The following ASS1 variants were observed in gnomAD, a reference collection of about 807,000 sequenced individuals.
The protein encoded by ASS1 is argininosuccinate synthase 1, also known as argininosuccinate synthase.
Under a neutral mutation model 60.5 loss-of-function variants are expected in ASS1, and 58 were observed. The observed-to-expected ratio is 0.96, with a 90% CI of 0.78 to 1.19. The LOEUF is 1.19. Ranked by LOEUF, ASS1 falls within the 50% of genes most tolerant of loss-of-function variation. ASS1 has a pLI of 0.00. For synonymous variants in ASS1, 200 were observed against 206.9 expected, an observed-to-expected ratio of 0.97 and a Z score of 0.29; for missense variants, 454 against 547.3, an observed-to-expected ratio of 0.83 and a Z score of 1.70.
In ASS1 at chr9:130,497,675, A is replaced by T. The variant is rs139570960; in HGVS notation, c.1128-1830A>T. On this transcript the variant is annotated intron_variant, in intron 13 of 14. Coordinates refer to ENST00000352480, the MANE Select transcript of ASS1 (RefSeq NM_054012.4). ...GCAGGGGCTGCCAGGGCAGCTGGGAAGTTCCCACCTTGGGGAACGGGATGG... is the reference window on the plus strand; with the variant it reads ...GCAGGGGCTGCCAGGGCAGCTGGGATGTTCCCACCTTGGGGAACGGGATGG... Among the ~76,000 whole-genome samples the T allele has an allele frequency of 4.6e-5, 7 of 152,298 alleles. No homozygotes were observed. In the East Asian group the frequency reaches 1.4e-3, roughly 29 times the overall value.
chr9:130,475,053 G>T (rs1845980848), intron 8 of ASS1, among the ~76,000 whole-genome samples: 2 of 152,224 alleles, frequency 1.3e-5, no homozygotes, highest in Non-Finnish European at 2.9e-5. Flanking sequence ...GTCTTAGAAG[G>T]ATCAATTGTC....
At chr9:130,458,611 G>T in intron 4 of ASS1, 22 bp downstream of exon 4, 1 of 1,608,540 alleles carries the variant, frequency 6.2e-7, no homozygotes. Flanking sequence ...GGGAAGGGCC[G>T]GGCAGAGGGA....
chr9:130,471,724 G>A (rs560359118), intron 8 of ASS1, among the ~76,000 whole-genome samples: 2 of 149,886 alleles, frequency 1.3e-5, no homozygotes, highest in African/African-American at 5.0e-5. Context: ...ACCTCCCCCC[G>A]CCCTTCCTCT....
rs940037773 is a variant in ASS1 at position 130,491,973 on chromosome 9, G to A, written c.970+2509G>A. 1.3e-5 allele frequency among the ~76,000 whole-genome samples: 2 copies of A among 152,134 alleles called. No individual in the cohort carries two copies. Among genetic ancestry groups the A allele is most frequent in the Non-Finnish European group, 2.9e-5 (2 of 68,020 alleles). ...GGGATACAGACATGGTATAGACCAG[G>A]GCTTTGCCTGATCATGTTACTTAAC... On this transcript the variant is annotated intron_variant, in intron 12 of 14. Transcript: ENST00000352480. The surrounding 1 kb of genome is among the most constrained non-coding windows in gnomAD (Gnocchi z 5.3).
chr9:130,476,886 G>C lies in ASS1; in HGVS notation c.613G>C (p.Gly205Arg). The C allele has an allele frequency of 6.2e-7, 1 of 1,614,078 alleles. No individual in the cohort carries two copies. The highest frequency in any genetic ancestry group is 8.5e-7 in the Non-Finnish European group (1 of 1,180,012). Reference protein sequence around the residue: ...LENPKNQAPPGLYTKTQDPAK... With the variant: ...LENPKNQAPPRLYTKTQDPAK... ...CTTTTTTCAGAACCAAGCGCCTCCAGGTCTCTACACGAAGACCCAGGACCC... is the reference window on the plus strand; with the variant it reads ...CTTTTTTCAGAACCAAGCGCCTCCACGTCTCTACACGAAGACCCAGGACCC... Residue 205 changes from glycine (G) to arginine (R), a missense_variant, in exon 9 of 15, where the codon GGT becomes CGT. Physicochemically the swap from Gly to Arg is moderately radical, Grantham distance 125. Coordinates refer to ENST00000352480, the MANE Select transcript of ASS1 (RefSeq NM_054012.4). The surrounding 1 kb of genome is among the most constrained non-coding windows in gnomAD (Gnocchi z 4.9).
At chr9:130,446,100 C>G (rs1217653760) in intron 1 of ASS1, among the ~76,000 whole-genome samples, 1 of 152,228 alleles carries the variant, frequency 6.6e-6, no homozygotes, top group Non-Finnish European at 1.5e-5. Context: ...GACCCTCCTC[C>G]CTCGGGCCTC....
rs1408151600 is a variant in ASS1, at chr9:130,470,412, C to T, written c.496-422C>T. 2.0e-5 allele frequency among the ~76,000 whole-genome samples: 3 copies of T among 152,174 alleles called. No homozygotes were observed. The highest frequency in any genetic ancestry group is 6.5e-5 in the Admixed American group (1 of 15,286). On this transcript the variant is annotated intron_variant, in intron 6 of 14. Coordinates refer to ENST00000352480, the MANE Select transcript of ASS1 (RefSeq NM_054012.4). The surrounding 1 kb of genome is among the most constrained non-coding windows in gnomAD (Gnocchi z 4.3). The stretch of plus-strand genomic sequence containing the variant: ...TGCATCCTACCTGTCCTGGGGTCCA[C>T]AGGAAGCACTGCCTGGGCTCTGGTG...
At position 130,452,210 on chromosome 9, in the gene ASS1, T is replaced by C. The variant is rs1190994347; in HGVS notation, c.-5-14T>C. On this transcript the variant is annotated splice_polypyrimidine_tract_variant and intron_variant, in intron 1 of 14. Coordinates refer to ENST00000352480, the MANE Select transcript of ASS1 (RefSeq NM_054012.4). ...GTCTCAGGGTCACTCAGGTTGTTCC[T>C]CGACTCCCGCCAGACGCTATGTCCA... The C allele has an allele frequency of 6.2e-7, 1 of 1,612,606 alleles. No homozygotes were observed. Among genetic ancestry groups the C allele is most frequent in the East Asian group, 2.2e-5 (1 of 44,858 alleles).
At chr9:130,475,900 G>A (rs1303776441) in intron 8 of ASS1, among the ~76,000 whole-genome samples, 1 of 152,062 alleles carries the variant, frequency 6.6e-6, no homozygotes, top group Non-Finnish European at 1.5e-5. Flanking sequence ...GGGACTACAG[G>A]CGCATGCCGC....
chr9:130,475,741 G>GT (rs35568745), intron 8 of ASS1, among the ~76,000 whole-genome samples: 11,569 of 101,280 alleles, frequency 0.11, 926 homozygotes, highest in East Asian at 0.35. Flanking sequence ...TGTGCAAGGT[G>GT]TTTTTTTTTT....
intron 13 of ASS1, among the ~76,000 whole-genome samples, chr9:130,495,472 T>TACACACACACACACAC (rs71499245): frequency 1.4e-4 from 21 of 146,898 alleles, no homozygotes; most frequent in African/African-American, 4.3e-4. Context: ...CACATACATA[T>TACACACACACACACAC]ACACACACAC....
chr9:130,479,828 C>T, intron 10 of ASS1, 28 bp downstream of exon 10: 2 of 1,603,948 alleles, frequency 1.2e-6, no homozygotes, highest in Middle Eastern at 1.7e-4. Flanking sequence ...TGTCCGGCCT[C>T]TTGGGAACCG....
In ASS1 at chr9:130,489,414, G is replaced by A. The variant is rs571576756; in HGVS notation, c.920G>A (p.Arg307His). The change falls in exon 12 of 15, where the codon CGC (arginine) becomes CAC (histidine). Residue 307 changes from arginine (R) to histidine (H), a missense_variant. Arg to His is a conservative substitution (Grantham distance 29, BLOSUM62 0). Coordinates refer to ENST00000352480, the MANE Select transcript of ASS1 (RefSeq NM_054012.4). This position sits in a 1 kb window ranked among gnomAD's most constrained non-coding sequence, Gnocchi z 4.1. ...GCCTTCACCATGGACCGGGAAGTGC[G>A]CAAAATCAAACAAGGCCTGGGCTTG... The part of the protein sequence containing the change: ...IEAFTMDREV[R>H]KIKQGLGLKF... 7.1e-5 allele frequency: 114 copies of A among 1,613,956 alleles called. No homozygotes were observed. Among genetic ancestry groups the A allele is most frequent in the Admixed American group, 1.3e-4 (8 of 60,018 alleles).
At chr9:130,449,143 C>T (rs193233434) in intron 1 of ASS1, among the ~76,000 whole-genome samples, 2 of 152,080 alleles carry the variant, frequency 1.3e-5, no homozygotes, top group African/African-American at 4.8e-5. Context: ...CCAGCCTGGG[C>T]AATGTAGTGA....
intron 4 of ASS1, among the ~76,000 whole-genome samples, chr9:130,463,367 G>A (rs1222594648): frequency 2.0e-5 from 3 of 152,080 alleles, no homozygotes; most frequent in African/African-American, 4.8e-5. Context: ...TCCCGGCTAT[G>A]TCGGGGGTAA....
At chr9:130,490,373 G>A (rs1846420418) in intron 12 of ASS1, among the ~76,000 whole-genome samples, 1 of 152,120 alleles carries the variant, frequency 6.6e-6, no homozygotes, top group South Asian at 2.1e-4. Flanking sequence ...GAGTGCAATG[G>A]TGCGATCTTG....
intron 1 of ASS1, among the ~76,000 whole-genome samples, chr9:130,448,152 T>A (rs1475707549): frequency 3.3e-5 from 5 of 151,916 alleles, no homozygotes; most frequent in Non-Finnish European, 5.9e-5. Flanking sequence ...GGGCTGCAAA[T>A]GCAGCTTAGG....
At chr9:130,462,681 A>G (rs1433234041) in intron 4 of ASS1, among the ~76,000 whole-genome samples, 3 of 152,206 alleles carry the variant, frequency 2.0e-5, no homozygotes, top group Non-Finnish European at 4.4e-5. Flanking sequence ...CTTACCATCT[A>G]AAATGAGGCT....
rs55853169 is a variant in ASS1 at position 130,449,342 on chromosome 9, G to GAAA, written c.-5-2863_-5-2861dup. 1.2e-3 allele frequency among the ~76,000 whole-genome samples: 106 copies of GAAA among 91,494 alleles called. 1 individual carries two copies. The highest frequency in any genetic ancestry group is 2.2e-3 in the East Asian group (7 of 3,174). 60.0% of individuals were successfully genotyped at this position (91,494 alleles called of 152,430 possible). A position where few individuals can be genotyped will look rare whatever the true frequency, so the allele number is the denominator to read the frequency against. On this transcript the variant is annotated intron_variant, in intron 1 of 14. Transcript: ENST00000352480. Reference sequence around the variant, plus strand: ...TAGGTGACAGAATGAGACCCTGTCTGAAAAAAAAAAAAAAAAAAAAAGGAT... The same window carrying GAAA: ...TAGGTGACAGAATGAGACCCTGTCTGAAAAAAAAAAAAAAAAAAAAAAAAGGAT...
Sources: allele counts gnomAD v4.1 joint callset (sites outside exome capture counted in the v4.1 genomes callset), GRCh38; gene constraint gnomAD v4.1.1; non-coding constraint Gnocchi (gnomAD v3.1); transcripts MANE v1.5; gene names NCBI Gene and HGNC (gene_info 2026-07-23, HGNC 2026-07-21).